Variants in CDH9 observed in about 807,000 individuals in gnomAD.
The protein encoded by CDH9 is cadherin 9.
In CDH9, 28 loss-of-function variants were observed where a neutral mutation model predicts 70.9. The observed-to-expected ratio is 0.40, with a 90% confidence interval of 0.29 to 0.54. The LOEUF is 0.54. Among genes scored for constraint, CDH9 ranks in the 20% least tolerant of loss-of-function variants. The pLI is 0.59. For synonymous variants in CDH9, 409 were observed against 343.1 expected (o/e 1.19, Z -2.12); for missense variants, 874 against 984.4 (o/e 0.89, Z 1.50).
intron 3 of CDH9, among the ~76,000 whole-genome samples, chr5:26,907,930 T>G (rs929344230): frequency 6.6e-6 from 1 of 152,178 alleles, no homozygotes; most frequent in African/African-American, 2.4e-5. Context: ...ACTTGTCTAA[T>G]TGAATTATGG....
At chr5:27,014,808 G>T (rs10056874) in intron 1 of CDH9, among the ~76,000 whole-genome samples, 2,993 of 151,786 alleles carry the variant, frequency 0.02, 90 homozygotes, top group African/African-American at 0.069. Flanking sequence ...TTTTTATCCT[G>T]ATCTGCCCAC....
intron 2 of CDH9, among the ~76,000 whole-genome samples, chr5:26,920,832 G>T (rs1313884341): frequency 6.6e-6 from 1 of 152,150 alleles, no homozygotes; most frequent in Non-Finnish European, 1.5e-5. Flanking sequence ...CAGTGACAAA[G>T]ACACCAAAGA....
At chr5:26,954,011 A>G (rs1247940258) in intron 2 of CDH9, among the ~76,000 whole-genome samples, 1 of 152,192 alleles carries the variant, frequency 6.6e-6, no homozygotes, top group Non-Finnish European at 1.5e-5. Context: ...GAAGATTACC[A>G]TGGATTCCAA....
chr5:26,885,593 A>G, intron 11 of CDH9, 21 bp downstream of exon 11: 1 of 1,608,570 alleles, frequency 6.2e-7, no homozygotes, highest in Non-Finnish European at 8.5e-7. Context: ...TTAAAGGATC[A>G]TTCAGAGGGG....
chr5:27,020,374 C>A (rs1157557535), intron 1 of CDH9, among the ~76,000 whole-genome samples: 1 of 151,110 alleles, frequency 6.6e-6, no homozygotes, highest in Non-Finnish European at 1.5e-5. Context: ...ACCAACAATT[C>A]CATGAATTTT....
intron 2 of CDH9, among the ~76,000 whole-genome samples, chr5:26,927,169 T>A (rs1409504586): frequency 6.6e-6 from 1 of 152,000 alleles, no homozygotes; most frequent in African/African-American, 2.4e-5. Context: ...TTACTTATAA[T>A]GATGTTGAAA....
At chr5:27,019,174 GA>G (rs1295456602) in intron 1 of CDH9, among the ~76,000 whole-genome samples, 3 of 151,986 alleles carry the variant, frequency 2.0e-5, no homozygotes, top group African/African-American at 2.4e-5. Context: ...GAACTAGAAT[GA>G]AGTATTTGGG....
intron 2 of CDH9, among the ~76,000 whole-genome samples, chr5:26,917,016 T>C (rs2112006928): frequency 6.6e-6 from 1 of 152,056 alleles, no homozygotes; most frequent in Middle Eastern, 3.4e-3. Flanking sequence ...AGGAGGCTGA[T>C]CATTGAATAT....
At chr5:27,028,866 G>C (rs2112133352) in intron 1 of CDH9, among the ~76,000 whole-genome samples, 1 of 152,124 alleles carries the variant, frequency 6.6e-6, no homozygotes, top group East Asian at 1.9e-4. Context: ...TAGGGATACA[G>C]AGAGAGAAGA....
intron 1 of CDH9, among the ~76,000 whole-genome samples, chr5:26,991,649 T>C (rs925533297): frequency 6.6e-6 from 1 of 152,222 alleles, no homozygotes; most frequent in African/African-American, 2.4e-5. Context: ...TCAGAACTAA[T>C]ATGTGGATCT....
intron 7 of CDH9, among the ~76,000 whole-genome samples, chr5:26,900,935 T>C (rs1205203898): frequency 6.6e-6 from 1 of 152,106 alleles, no homozygotes; most frequent in East Asian, 1.9e-4. Flanking sequence ...GCAGAAAACA[T>C]AAAAATAATT....
At chr5:26,978,151 A>T (rs943371798) in intron 2 of CDH9, among the ~76,000 whole-genome samples, 1 of 145,820 alleles carries the variant, frequency 6.9e-6, no homozygotes, top group Non-Finnish European at 1.5e-5. Flanking sequence ...CTAGAGAGTA[A>T]AAAAACAGAA....
intron 1 of CDH9, among the ~76,000 whole-genome samples, chr5:27,030,182 C>A (rs545035623): frequency 6.6e-6 from 1 of 151,956 alleles, no homozygotes; most frequent in Non-Finnish European, 1.5e-5. Context: ...CTTATCTCTT[C>A]TTCGTGAATT....
In CDH9 at chr5:26,889,971, A is replaced by G. The variant is rs1740628173; in HGVS notation, c.1391-14T>C. 1 of 1,608,844 alleles carries G rather than the reference A, an allele frequency of 6.2e-7. No individual in the cohort carries two copies. Among genetic ancestry groups the G allele is most frequent in the East Asian group, 2.2e-5 (1 of 44,640 alleles). On this transcript the variant is annotated splice_polypyrimidine_tract_variant and intron_variant, in intron 8 of 11. Coordinates refer to ENST00000231021, the MANE Select transcript of CDH9 (RefSeq NM_016279.4). ...GTTTTGGGTTATCTGCAACGAGAAC[A>G]CGTGTAAGATTTCAGTCTCATTTAC...
chr5:26,943,445 G>A (rs185575441), intron 2 of CDH9, among the ~76,000 whole-genome samples: 20 of 151,710 alleles, frequency 1.3e-4, no homozygotes, highest in East Asian at 5.8e-4. Context: ...CCTGGGAGGC[G>A]GGGGTTTTGG....
chr5:26,954,543 C>A (rs1310624052), intron 2 of CDH9, among the ~76,000 whole-genome samples: 2 of 151,766 alleles, frequency 1.3e-5, no homozygotes, highest in Non-Finnish European at 2.9e-5. Flanking sequence ...CGCCACTACA[C>A]CCAGCTAATT....
At chr5:27,015,005 G>A (rs1490598331) in intron 1 of CDH9, among the ~76,000 whole-genome samples, 1 of 151,888 alleles carries the variant, frequency 6.6e-6, no homozygotes, top group Admixed American at 6.6e-5. Flanking sequence ...CTGTGCTTTA[G>A]AAGACTGCGA....
At chr5:27,036,984 C>T (rs1437451015) in intron 1 of CDH9, among the ~76,000 whole-genome samples, 1 of 151,932 alleles carries the variant, frequency 6.6e-6, no homozygotes, top group African/African-American at 2.4e-5. Flanking sequence ...CCTGGATTAG[C>T]CAGTTTTATA....
intron 2 of CDH9, among the ~76,000 whole-genome samples, chr5:26,927,093 T>C (rs1741356701): frequency 6.6e-6 from 1 of 151,936 alleles, no homozygotes; most frequent in African/African-American, 2.4e-5. Context: ...GCAAGGATGG[T>C]TCAGCACATG....
Sources: gnomAD v4.1 joint callset for allele counts (sites outside exome capture counted in the v4.1 genomes callset) on GRCh38, gnomAD v4.1.1 for gene constraint, MANE v1.5 for transcripts, NCBI Gene and HGNC (gene_info 2026-07-23, HGNC 2026-07-21) for gene names.